Variants in TBC1D8 observed in about 807,000 individuals in gnomAD.
TBC1D8 encodes TBC1 domain family member 8.
A neutral mutation model predicts 118.8 loss-of-function variants in TBC1D8; 65 were observed. The observed-to-expected ratio is 0.55, with a 90% CI of 0.45 to 0.67. The LOEUF is 0.67. TBC1D8 is among the 30% of genes least tolerant of loss of function. TBC1D8 has a pLI of 0.00. For missense variants in TBC1D8, 1,376 were observed against 1,471.2 expected (o/e 0.94, Z 1.06); for synonymous variants, 566 against 595.8 (o/e 0.95, Z 0.73).
In TBC1D8 at chr2:101,036,051, A is replaced by T; in HGVS notation, c.1570T>A (p.Ser524Thr). The change falls in exon 9 of 20, where the codon TCT becomes ACT. Residue 524 changes from serine to threonine, a missense_variant. Physicochemically the swap from Ser to Thr is moderately conservative, Grantham distance 58. Transcript: ENST00000409318. ...RKLVAMGIPE[S>T]LRGRLWLLFS... is the part of the protein sequence containing the mutation. ...AGAAGCCAGAGTCTCCCTCGCAAAGATTCAGGGATGCCCATGGCTACGAGC... is the reference window on the plus strand; with the variant it reads ...AGAAGCCAGAGTCTCCCTCGCAAAGTTTCAGGGATGCCCATGGCTACGAGC... The T allele has an allele frequency of 2.5e-6, 4 of 1,614,040 alleles. No homozygotes were observed. The highest frequency in any genetic ancestry group is 3.4e-6 in the Non-Finnish European group (4 of 1,179,896).
At chr2:101,038,882 G>A (rs569886215) in intron 6 of TBC1D8, among the ~76,000 whole-genome samples, 27 of 89,998 alleles carry the variant, frequency 3.0e-4, no homozygotes, top group African/African-American at 1.9e-3. Flanking sequence ...ATACATCGGC[G>A]TATGACCCAG....
chr2:101,049,836 T>G (rs1275154897), intron 5 of TBC1D8, among the ~76,000 whole-genome samples: 2 of 152,024 alleles, frequency 1.3e-5, no homozygotes, highest in Non-Finnish European at 2.9e-5. Context: ...TACATGTCTT[T>G]TTTTTTTTGA....
At position 101,050,606 on chromosome 2, in the gene TBC1D8, A is replaced by T. The variant is rs1312847406; in HGVS notation, c.667T>A (p.Leu223Ile). The change falls in exon 5 of 20, where the codon TTA becomes ATA. Residue 223 changes from leucine (L) to isoleucine (I), a missense_variant. By Grantham distance (5) the Leu-to-Ile change is conservative (BLOSUM62 2). Transcript: ENST00000409318. The stretch of plus-strand genomic sequence containing the variant: ...AGAAAGACATTGGACGTTCTTTCTA[A>T]TTTCTGGATATCAACCCACGGAACC... ...LVVPWVDIQKLERTSNVFLTD... is the reference protein window; with the variant it reads ...LVVPWVDIQKIERTSNVFLTD... 6.2e-7 allele frequency: 1 copy of T among 1,613,954 alleles called. No individual in the cohort carries two copies. The highest frequency in any genetic ancestry group is 1.1e-5 in the South Asian group (1 of 91,080).
intron 1 of TBC1D8, among the ~76,000 whole-genome samples, chr2:101,095,249 T>TTTATTATTATTA (rs61200526): frequency 0.021 from 3,062 of 146,518 alleles, 83 homozygotes; most frequent in East Asian, 0.15. Context: ...AAGTATTTTC[T>TTTATTATTATTA]TTATTATTAT....
intron 1 of TBC1D8, among the ~76,000 whole-genome samples, chr2:101,121,531 G>C (rs896126470): frequency 3.3e-5 from 5 of 152,240 alleles, no homozygotes; most frequent in African/African-American, 1.2e-4. Flanking sequence ...GTGCCTTCTA[G>C]AGCTGTGTCC....
chr2:101,133,459 C>T (rs1678690801), intron 1 of TBC1D8, among the ~76,000 whole-genome samples: 1 of 152,118 alleles, frequency 6.6e-6, no homozygotes, highest in Non-Finnish European at 1.5e-5. Flanking sequence ...AACAAAATCT[C>T]CACTACCTGG....
At chr2:101,098,102 C>A (rs776585281) in intron 1 of TBC1D8, among the ~76,000 whole-genome samples, 60 of 152,106 alleles carry the variant, frequency 3.9e-4, no homozygotes, top group African/African-American at 1.4e-3. Context: ...AAGAACAAAG[C>A]AATGAATAAA....
intron 1 of TBC1D8, among the ~76,000 whole-genome samples, chr2:101,096,722 A>G (rs1446177730): frequency 1.1e-4 from 17 of 152,060 alleles, no homozygotes. Flanking sequence ...GACACAGTCA[A>G]GGAAAAAAAT....
Position 101,022,999 on chromosome 2 carries a change from G to A in TBC1D8, c.2521-478C>T, listed in dbSNP as rs116090842. On this transcript the variant is annotated intron_variant, in intron 15 of 19. Coordinates refer to ENST00000409318, the MANE Select transcript of TBC1D8 (RefSeq NM_001330348.2). Reference sequence around the variant, plus strand: ...CTCTACTAAAAAATACAAAACATTAGCTGGGTGTAGCGGTGTGCACCTGTG... The same window carrying A: ...CTCTACTAAAAAATACAAAACATTAACTGGGTGTAGCGGTGTGCACCTGTG... Among the ~76,000 whole-genome samples, 852 of 151,898 alleles carry A rather than the reference G, an allele frequency of 5.6e-3. 9 individuals carry two copies. Among genetic ancestry groups the A allele is most frequent in the African/African-American group, 0.02 (821 of 41,508 alleles).
intron 17 of TBC1D8, among the ~76,000 whole-genome samples, chr2:101,017,030 C>T (rs1679701648): frequency 6.6e-6 from 1 of 150,610 alleles, no homozygotes; most frequent in Non-Finnish European, 1.5e-5. Context: ...ACATATGTAA[C>T]TAACCTGCAC....
chr2:101,010,747 T>C (rs561287471), intron 19 of TBC1D8, among the ~76,000 whole-genome samples, 182 bp downstream of exon 19: 1 of 152,110 alleles, frequency 6.6e-6, no homozygotes, highest in African/African-American at 2.4e-5. Flanking sequence ...CCAGACGTGG[T>C]TGCACACGCC....
In TBC1D8 at chr2:101,050,432, C is replaced by G. The variant is rs570395629; in HGVS notation, c.841G>C (p.Asp281His). The change falls in exon 5 of 20, where the codon GAT becomes CAT. Residue 281 changes from aspartate (D) to histidine (H), a missense_variant. Physicochemically the swap from Asp to His is moderately conservative, Grantham distance 81 (BLOSUM62 -1). Transcript: ENST00000409318. ...GTGATCTGGCTCGGCTCCTGCAGAT[C>G]GGGGTCGAGGTCAAAGACCTCATTA... Reference protein sequence around the residue: ...LDNEVFDLDPDLQEPSQITKR... With the variant: ...LDNEVFDLDPHLQEPSQITKR... 2 of 1,613,556 alleles carry G rather than the reference C, an allele frequency of 1.2e-6. No individual in the cohort carries two copies. Among genetic ancestry groups the G allele is most frequent in the Admixed American group, 1.7e-5 (1 of 60,000 alleles).
At chr2:101,096,434 A>C (rs1461711552) in intron 1 of TBC1D8, among the ~76,000 whole-genome samples, 1 of 150,278 alleles carries the variant, frequency 6.7e-6, no homozygotes, top group Admixed American at 6.7e-5. Context: ...AAAAAAAAAA[A>C]AAAAAAAAAA....
At chr2:101,092,534 T>C (rs1676110192) in intron 1 of TBC1D8, among the ~76,000 whole-genome samples, 1 of 152,158 alleles carries the variant, frequency 6.6e-6, no homozygotes, top group Admixed American at 6.5e-5. Flanking sequence ...CTCTTACTTA[T>C]ATCAGTATGG....
At chr2:101,034,329 TAC>T (rs1269319736) in intron 9 of TBC1D8, among the ~76,000 whole-genome samples, 1 of 152,180 alleles carries the variant, frequency 6.6e-6, no homozygotes, top group Non-Finnish European at 1.5e-5. Context: ...AGCATGCACA[TAC>T]ACACACGCAA....
chr2:101,141,625 C>T (rs553971843), intron 1 of TBC1D8, among the ~76,000 whole-genome samples: 1 of 151,820 alleles, frequency 6.6e-6, no homozygotes, highest in South Asian at 2.1e-4. Context: ...AAAGATCTTG[C>T]CAGAAAAGAT....
At chr2:101,035,917 C>T (rs896767271) in intron 9 of TBC1D8, 101 bp downstream of exon 9, 26 of 1,329,878 alleles carry the variant, frequency 2.0e-5, no homozygotes, top group Non-Finnish European at 2.6e-5. Context: ...AAAGACAGAA[C>T]CATTTCATCT....
At chr2:101,040,125 G>GTTTGAACTTTTGT in intron 6 of TBC1D8, 53 bp downstream of exon 6, 1 of 1,575,326 alleles carries the variant, frequency 6.3e-7, no homozygotes. Context: ...CAGCAACCTT[G>GTTTGAACTTTTGT]TGTTCAAACA....
chr2:101,131,810 G>C (rs1678606020), intron 1 of TBC1D8, among the ~76,000 whole-genome samples: 1 of 151,890 alleles, frequency 6.6e-6, no homozygotes, highest in African/African-American at 2.4e-5. Context: ...GCGAGACTCT[G>C]TCTCAAAAAA....
Sources: allele counts gnomAD v4.1 joint callset (sites outside exome capture counted in the v4.1 genomes callset), GRCh38; gene constraint gnomAD v4.1.1; transcripts MANE v1.5; gene names NCBI Gene and HGNC (gene_info 2026-07-23, HGNC 2026-07-21).